ENOX1: variants seen among roughly 807,000 people sequenced by gnomAD.
The protein encoded by ENOX1 is candidate growth-related and time keeping constitutive hydroquinone (NADH) oxidase.
In ENOX1, 42 loss-of-function variants were observed where a neutral mutation model predicts 82.5. The observed-to-expected ratio is 0.51, with a 90% CI of 0.40 to 0.66. The LOEUF is 0.66. Among genes scored for constraint, ENOX1 ranks in the 30% least tolerant of loss-of-function variants. The pLI is 0.00. For synonymous variants in ENOX1, 271 were observed against 282.2 expected, an observed-to-expected ratio of 0.96 and a Z score of 0.40; for missense variants, 608 against 811.6, an observed-to-expected ratio of 0.75 and a Z score of 3.05.
At chr13:43,302,742 TCTTA>T (rs1402389219) in intron 11 of ENOX1, among the ~76,000 whole-genome samples, 2 of 152,222 alleles carry the variant, frequency 1.3e-5, no homozygotes, top group Non-Finnish European at 2.9e-5. Context: ...CTGTCTCCTG[TCTTA>T]CTGTGTTTCC....
intron 11 of ENOX1, among the ~76,000 whole-genome samples, chr13:43,320,934 G>A (rs1407719886): frequency 6.6e-6 from 1 of 152,200 alleles, no homozygotes; most frequent in African/African-American, 2.4e-5. Flanking sequence ...GAGGAAGGTG[G>A]TCTCCTCAAA....
chr13:43,412,103 GTT>G, intron 4 of ENOX1, 50 bp from the exon 5 acceptor site: 1 of 1,580,314 alleles, frequency 6.3e-7, no homozygotes, highest in South Asian at 1.1e-5. Context: ...AAGGGTGTTT[GTT>G]TTAAAGAAAA....
At chr13:43,746,391 C>A (rs1429808061) in intron 1 of ENOX1, among the ~76,000 whole-genome samples, 1 of 151,950 alleles carries the variant, frequency 6.6e-6, no homozygotes, top group Non-Finnish European at 1.5e-5. Flanking sequence ...ATTCTTTGGA[C>A]ATTTATTTTA....
Position 43,347,737 on chromosome 13 carries a change from A to C in ENOX1, c.824-2987T>G, listed in dbSNP as rs144325542. On this transcript the variant is annotated intron_variant, in intron 8 of 16. Transcript: ENST00000690772. ...GCTATTCATGTGGAAAGAAATTAAC[A>C]CTGCTTGTAAAAATCACATCAAACA... Among the ~76,000 whole-genome samples, 35 of 152,354 alleles carry C rather than the reference A, an allele frequency of 2.3e-4. No individual in the cohort carries two copies. In the East Asian group the frequency reaches 6.4e-3, roughly 28 times the overall value.
At chr13:43,594,748 C>G (rs2081389247) in intron 2 of ENOX1, among the ~76,000 whole-genome samples, 2 of 152,122 alleles carry the variant, frequency 1.3e-5, no homozygotes, top group Non-Finnish European at 2.9e-5. Flanking sequence ...CATTCAAACC[C>G]AGGCCTAACT....
intron 1 of ENOX1, among the ~76,000 whole-genome samples, chr13:43,680,488 T>G (rs1263559965): frequency 6.6e-6 from 1 of 152,134 alleles, no homozygotes; most frequent in Non-Finnish European, 1.5e-5. Context: ...ATACATCATC[T>G]CTGCCTTGGA....
intron 1 of ENOX1, among the ~76,000 whole-genome samples, chr13:43,680,879 T>C: frequency 6.8e-6 from 1 of 146,022 alleles, no homozygotes. Context: ...ATCATTATTC[T>C]TGTGTCTTCC....
rs183741185 is a variant in ENOX1 at position 43,401,785 on chromosome 13, C to T, written c.208+10131G>A. Among the ~76,000 whole-genome samples the T allele has an allele frequency of 7.9e-5, 12 of 152,214 alleles. No individual in the cohort carries two copies. In the East Asian group the frequency reaches 1.7e-3, roughly 22 times the overall value. Reference sequence around the variant, plus strand: ...CCCAGAAGTGTTTTGCCTCAGAAACCGGATGAAATTATCTCCAGTCTAAAG... The same window carrying T: ...CCCAGAAGTGTTTTGCCTCAGAAACTGGATGAAATTATCTCCAGTCTAAAG... On this transcript the variant is annotated intron_variant, in intron 5 of 16. Transcript: ENST00000690772.
intron 1 of ENOX1, among the ~76,000 whole-genome samples, chr13:43,684,722 C>T (rs2153799792): frequency 6.6e-6 from 1 of 152,288 alleles, no homozygotes; most frequent in East Asian, 1.9e-4. Context: ...ACTGATATGA[C>T]CTCTTTGGAG....
intron 11 of ENOX1, 69 bp from the exon 12 acceptor site, chr13:43,298,599 A>G: frequency 7.0e-7 from 1 of 1,426,456 alleles, no homozygotes; most frequent in Non-Finnish European, 9.5e-7. Context: ...CTTCTGTGGG[A>G]AAGGGAGTCT....
At chr13:43,733,859 AAACCT>A (rs2153823098) in intron 1 of ENOX1, among the ~76,000 whole-genome samples, 1 of 152,310 alleles carries the variant, frequency 6.6e-6, no homozygotes, top group South Asian at 2.1e-4. Flanking sequence ...TATGACTGGT[AAACCT>A]ATAAGAGAGA....
intron 12 of ENOX1, among the ~76,000 whole-genome samples, chr13:43,298,071 A>T (rs1430287787): frequency 1.3e-5 from 2 of 152,212 alleles, no homozygotes; most frequent in Non-Finnish European, 2.9e-5. Context: ...ATGGGGCTAT[A>T]TTTCACATGC....
chr13:43,634,326 T>C (rs77914784), intron 2 of ENOX1, among the ~76,000 whole-genome samples: 5,476 of 152,268 alleles, frequency 0.036, 308 homozygotes, highest in African/African-American at 0.12. Flanking sequence ...CCACAATACA[T>C]GCACCCAGTG....
At chr13:43,569,223 T>C (rs1447114112) in intron 2 of ENOX1, among the ~76,000 whole-genome samples, 2 of 152,152 alleles carry the variant, frequency 1.3e-5, no homozygotes, top group Non-Finnish European at 2.9e-5. Flanking sequence ...TGGATCATGG[T>C]TGCTTTTTCC....
At chr13:43,708,541 C>G (rs1022834492) in intron 1 of ENOX1, among the ~76,000 whole-genome samples, 2 of 152,148 alleles carry the variant, frequency 1.3e-5, no homozygotes, top group Non-Finnish European at 2.9e-5. Flanking sequence ...CAGTCAAATT[C>G]TTTCTTCTGA....
At chr13:43,551,332 T>G (rs1309066832) in intron 2 of ENOX1, among the ~76,000 whole-genome samples, 1 of 152,156 alleles carries the variant, frequency 6.6e-6, no homozygotes, top group Non-Finnish European at 1.5e-5. Context: ...ATCTATTGAC[T>G]TGTATATGTT....
At chr13:43,756,411 C>T (rs1055773008) in intron 1 of ENOX1, among the ~76,000 whole-genome samples, 2 of 147,280 alleles carry the variant, frequency 1.4e-5, no homozygotes, top group Admixed American at 1.4e-4. Flanking sequence ...CCGGCCTGGG[C>T]GACAGAGCGA....
rs1326910299 is a variant in ENOX1, at chr13:43,786,092, C to G, written c.-285+560G>C. Among the ~76,000 whole-genome samples the G allele has an allele frequency of 2.6e-5, 4 of 152,118 alleles. No individual in the cohort carries two copies. Among genetic ancestry groups the G allele is most frequent in the African/African-American group, 9.7e-5 (4 of 41,444 alleles). ...AGCTCCCCGCGAGAGGGGACAGTCA[C>G]GAATAACAACAGTACCCAGCGCAGA... On this transcript the variant is annotated intron_variant, in intron 1 of 16. Coordinates refer to ENST00000690772, the MANE Select transcript of ENOX1 (RefSeq NM_001347969.2). This position sits in a 1 kb window ranked among gnomAD's most constrained non-coding sequence, Gnocchi z 6.0.
chr13:43,594,305 C>A (rs1231059390), intron 2 of ENOX1, among the ~76,000 whole-genome samples: 1 of 152,074 alleles, frequency 6.6e-6, no homozygotes, highest in Non-Finnish European at 1.5e-5. Context: ...CTGTTCCTGT[C>A]TGGTGTAATA....
Sources: gnomAD v4.1 joint callset for allele counts (sites outside exome capture counted in the v4.1 genomes callset) on GRCh38, gnomAD v4.1.1 for gene constraint, Gnocchi (gnomAD v3.1) non-coding constraint, MANE v1.5 for transcripts, NCBI Gene and HGNC (gene_info 2026-07-23, HGNC 2026-07-21) for gene names.